PHTF1: variants seen among roughly 807,000 people sequenced by gnomAD.
PHTF1 encodes putative homeodomain transcription factor 1, also known as protein PHTF1.
A neutral mutation model predicts 102.4 loss-of-function variants in PHTF1; 88 were observed. The observed-to-expected ratio is 0.86, with a 90% CI of 0.72 to 1.03. The LOEUF is 1.03. Ranked by LOEUF, PHTF1 falls within the 50% of genes least tolerant of loss-of-function variation. The probability of loss-of-function intolerance (pLI) is 0.00; values close to 1 mark genes in which losing one functional copy is unlikely to be tolerated. For synonymous variants in PHTF1, 289 were observed against 305.2 expected (o/e 0.95, Z 0.55); for missense variants, 814 against 909.5 (o/e 0.89, Z 1.35).
chr1:113,759,631 G>A (rs1028506327), upstream of PHTF1: 8 of 152,348 alleles, frequency 5.3e-5, no homozygotes. Flanking sequence ...CGAGGGCCTG[G>A]GGAGTCGCGC....
In PHTF1 at chr1:113,726,421, C is replaced by A; in HGVS notation, c.485G>T (p.Arg162Ile). 4.4e-6 allele frequency: 7 copies of A among 1,603,814 alleles called. No homozygotes were observed. The highest frequency in any genetic ancestry group is 6.0e-6 in the Non-Finnish European group (7 of 1,173,770). The change falls in exon 6 of 19, where the codon AGA becomes ATA. Residue 162 changes from arginine to isoleucine, a missense_variant. Physicochemically the swap from Arg to Ile is moderately conservative, Grantham distance 97. Coordinates refer to ENST00000369604, the MANE Select transcript of PHTF1 (RefSeq NM_001323043.2). The stretch of plus-strand genomic sequence containing the variant: ...ACAGTGTAATTTCTCATCTTACCTT[C>A]TTCTTCGATTTCCATTGTTTCCTGA... ...RPSGNNGNRR[R>I]RKLRKTVNGD...
chr1:113,704,212 C>G, intron 14 of PHTF1, 45 bp from the exon 15 acceptor site: 2 of 1,127,106 alleles, frequency 1.8e-6, no homozygotes, highest in Non-Finnish European at 1.3e-6. Context: ...TACTGGCAGA[C>G]AGCAACCGCC....
intron 14 of PHTF1, 91 bp from the exon 15 acceptor site, chr1:113,704,258 G>A (rs1355129158): frequency 1.8e-5 from 12 of 653,336 alleles, no homozygotes; most frequent in South Asian, 5.1e-5. Context: ...TACTACATTC[G>A]TGTGAAAATA....
Position 113,704,168 on chromosome 1 carries a change from CTG to C in PHTF1, c.1804-3_1804-2del. ...CAACTGAACGCTGTGGCCCCCGTCT[CTG>C]TGGAGTGAGACACATGTGTTAATGT... On this transcript the variant is annotated splice_acceptor_variant and splice_polypyrimidine_tract_variant and intron_variant, in intron 14 of 18. Coordinates refer to ENST00000369604, the MANE Select transcript of PHTF1 (RefSeq NM_001323043.2). LOFTEE classifies it high-confidence loss of function. The C allele has an allele frequency of 6.2e-7, 1 of 1,607,088 alleles. No homozygotes were observed. The highest frequency in any genetic ancestry group is 1.1e-5 in the South Asian group (1 of 90,676).
intron 18 of PHTF1, among the ~76,000 whole-genome samples, chr1:113,697,980 T>C (rs971292751): frequency 2.0e-5 from 3 of 152,194 alleles, no homozygotes; most frequent in African/African-American, 7.2e-5. Context: ...GTAAGACCAT[T>C]ACCCAGCTCA....
chr1:113,738,168 C>G lies in PHTF1; in HGVS notation c.273G>C (p.Trp91Cys). Residue 91 changes from tryptophan (W) to cysteine (C), a missense_variant, in exon 5 of 19, where the codon TGG becomes TGC. By Grantham distance (215) the Trp-to-Cys change is radical (BLOSUM62 -2). Transcript: ENST00000369604. ...VVFFPLFSNW[W>C]IQVTSLRIFV... ...AGATTCTTAAAGAGGTAACCTGAAT[C>G]CACCAATTGCTGAACAATGGAAAAA... 3.1e-6 allele frequency: 5 copies of G among 1,612,678 alleles called. No individual in the cohort carries two copies. The highest frequency in any genetic ancestry group is 4.2e-6 in the Non-Finnish European group (5 of 1,178,710).
rs1251827875 is a variant in PHTF1 at position 113,709,061 on chromosome 1, C to CCTAAG, written c.1269+1188_1269+1192dup. Among the ~76,000 whole-genome samples the CCTAAG allele has an allele frequency of 2.0e-5, 3 of 152,118 alleles. No homozygotes were observed. In the East Asian group the frequency reaches 5.8e-4, roughly 29 times the overall value. On this transcript the variant is annotated intron_variant, in intron 11 of 18. Coordinates refer to ENST00000369604, the MANE Select transcript of PHTF1 (RefSeq NM_001323043.2). The stretch of plus-strand genomic sequence containing the variant: ...GTTTGAACCCAGGAGTTAAGACCAG[C>CCTAAG]CTAAGCAACATAGTGCGACCCTGTC...
At chr1:113,711,642 C>A in intron 10 of PHTF1, 104 bp downstream of exon 10, 2 of 799,802 alleles carry the variant, frequency 2.5e-6, no homozygotes, top group South Asian at 1.6e-5. Context: ...GAAGGGCTGG[C>A]AAATATTAAT....
intron 12 of PHTF1, 31 bp downstream of exon 12, chr1:113,706,563 T>C (rs2101119408): frequency 6.4e-7 from 1 of 1,552,006 alleles, no homozygotes; most frequent in Non-Finnish European, 8.7e-7. Flanking sequence ...CGTATATTTT[T>C]TGAAAAATCT....
intron 3 of PHTF1, among the ~76,000 whole-genome samples, chr1:113,756,066 CAA>C (rs1193713468): frequency 3.6e-4 from 21 of 57,838 alleles, no homozygotes; most frequent in Non-Finnish European, 3.9e-4. Flanking sequence ...GACTCTGTCT[CAA>C]AAAAAAAAAA....
intron 5 of PHTF1, among the ~76,000 whole-genome samples, chr1:113,728,222 C>A (rs1214612620): frequency 2.0e-5 from 3 of 152,152 alleles, no homozygotes; most frequent in African/African-American, 7.2e-5. Flanking sequence ...GGATTAACAA[C>A]CAGAATATAT....
chr1:113,735,299 G>A (rs1490202629), intron 5 of PHTF1, among the ~76,000 whole-genome samples: 2 of 136,386 alleles, frequency 1.5e-5, no homozygotes, highest in Non-Finnish European at 3.1e-5. Flanking sequence ...CTGGGAGGCA[G>A]AGGTTGCAGT....
At chr1:113,751,957 A>G (rs1013863091) in intron 3 of PHTF1, among the ~76,000 whole-genome samples, 1 of 152,202 alleles carries the variant, frequency 6.6e-6, no homozygotes, top group African/African-American at 2.4e-5. Flanking sequence ...TTCCAACACT[A>G]TTCTTTTTAA....
chr1:113,702,379 TA>T, intron 15 of PHTF1, among the ~76,000 whole-genome samples: 1 of 151,996 alleles, frequency 6.6e-6, no homozygotes, highest in African/African-American at 2.4e-5. Flanking sequence ...GAACCAAATA[TA>T]TTTGTGGTTA....
intron 5 of PHTF1, among the ~76,000 whole-genome samples, chr1:113,730,528 A>G (rs1428940730): frequency 3.9e-5 from 6 of 152,226 alleles, no homozygotes; most frequent in Non-Finnish European, 8.8e-5. Context: ...CCAAATTGTC[A>G]TTATTTGCCA....
At chr1:113,747,031 A>G (rs1657349323) in intron 3 of PHTF1, 1 of 152,430 alleles carries the variant, frequency 6.6e-6, no homozygotes, top group African/African-American at 2.4e-5. Context: ...AAAAGGGAAG[A>G]TAATAGCACA....
Position 113,706,004 on chromosome 1 carries a change from C to G in PHTF1, c.1557G>C (p.Gly519=). 1 of 1,613,900 alleles carries G rather than the reference C, an allele frequency of 6.2e-7. No individual in the cohort carries two copies. Among genetic ancestry groups the G allele is most frequent in the Non-Finnish European group, 8.5e-7 (1 of 1,179,904 alleles). ...SAEEILTLFC[G]APPVTPIIVL... Reference sequence around the variant, plus strand: ...CAATAATAGGTGTAACAGGTGGTGCCCCACAAAAGAGAGTCAAGATCTCCT... The same window carrying G: ...CAATAATAGGTGTAACAGGTGGTGCGCCACAAAAGAGAGTCAAGATCTCCT... The change falls in exon 13 of 19, where the codon GGG becomes GGC. Residue 519 remains glycine (G), a synonymous_variant. Transcript: ENST00000369604.
chr1:113,721,203 T>C (rs1469745576), intron 7 of PHTF1, among the ~76,000 whole-genome samples: 2 of 152,052 alleles, frequency 1.3e-5, no homozygotes, highest in East Asian at 3.9e-4. Context: ...TCAACATACA[T>C]ACAAATCAAT....
chr1:113,705,308 C>T (rs1041336619), intron 13 of PHTF1, among the ~76,000 whole-genome samples: 18 of 152,038 alleles, frequency 1.2e-4, no homozygotes, highest in African/African-American at 3.6e-4. Flanking sequence ...GGTGTGGTGG[C>T]GCAGGCCTGT....
Sources: allele counts gnomAD v4.1 joint callset (sites outside exome capture counted in the v4.1 genomes callset), GRCh38; gene constraint gnomAD v4.1.1; transcripts MANE v1.5; gene names NCBI Gene and HGNC (gene_info 2026-07-23, HGNC 2026-07-21).